XPR1: variants seen among roughly 807,000 people sequenced by gnomAD.
The protein encoded by XPR1 is solute carrier family 53 member 1.
A neutral mutation model predicts 87.5 loss-of-function variants in XPR1; 28 were observed. The ratio of observed to expected loss-of-function variants is 0.32; its 90% confidence interval spans 0.24 to 0.44. The LOEUF (loss-of-function observed/expected upper bound fraction) is 0.44, where lower values mean the gene tolerates loss of function less well. Ranked by LOEUF, XPR1 falls within the 20% of genes least tolerant of loss-of-function variation. The pLI is 1.00. For missense variants in XPR1, 559 were observed against 862.3 expected, an observed-to-expected ratio of 0.65 and a Z score of 4.41; for synonymous variants, 300 against 306.1, an observed-to-expected ratio of 0.98 and a Z score of 0.21.
chr1:180,842,536 G>GCCA (rs1279856684), intron 11 of XPR1, among the ~76,000 whole-genome samples: 1 of 152,120 alleles, frequency 6.6e-6, no homozygotes, highest in African/African-American at 2.4e-5. Flanking sequence ...TTAGCTAGTA[G>GCCA]CCAGTCTCCA....
At chr1:180,779,038 C>T (rs1648838073) in intron 2 of XPR1, among the ~76,000 whole-genome samples, 1 of 152,162 alleles carries the variant, frequency 6.6e-6, no homozygotes, top group Non-Finnish European at 1.5e-5. Flanking sequence ...GTTCTTTAGG[C>T]ATCTCAGTTT....
intron 1 of XPR1, among the ~76,000 whole-genome samples, chr1:180,650,269 T>C (rs1197255342): frequency 1.3e-5 from 2 of 152,132 alleles, no homozygotes; most frequent in African/African-American, 4.8e-5. Flanking sequence ...TGGGTTTTGC[T>C]TTGTTGCCCT....
chr1:180,678,545 A>G (rs533739707), intron 1 of XPR1, among the ~76,000 whole-genome samples: 1 of 152,352 alleles, frequency 6.6e-6, no homozygotes, highest in East Asian at 1.9e-4. Flanking sequence ...ATAAGTAGTG[A>G]ATATTACTGA....
chr1:180,707,927 G>A (rs948614570), intron 2 of XPR1, among the ~76,000 whole-genome samples: 1 of 152,160 alleles, frequency 6.6e-6, no homozygotes, highest in Non-Finnish European at 1.5e-5. Flanking sequence ...GTAGTGATGT[G>A]AGGATGATGG....
chr1:180,756,837 A>T (rs974206143), intron 2 of XPR1, among the ~76,000 whole-genome samples: 1 of 152,232 alleles, frequency 6.6e-6, no homozygotes, highest in African/African-American at 2.4e-5. Context: ...ATTTTCGCAC[A>T]TGATAGAAAG....
intron 9 of XPR1, among the ~76,000 whole-genome samples, chr1:180,825,779 G>A (rs533113669): frequency 1.3e-5 from 2 of 152,274 alleles, no homozygotes; most frequent in East Asian, 3.9e-4. Context: ...GGCTGGGCGC[G>A]GTGGCTCACG....
rs1656717812 is a variant in XPR1, at chr1:180,685,094, C to T, written c.121+2683C>T. 2.6e-5 allele frequency among the ~76,000 whole-genome samples: 4 copies of T among 151,900 alleles called. No individual in the cohort carries two copies. In the South Asian group the frequency reaches 8.3e-4, roughly 32 times the overall value. On this transcript the variant is annotated intron_variant, in intron 2 of 14. Transcript: ENST00000367590. Reference sequence around the variant, plus strand: ...TCAAAGGGAATGCTTCCAGTTTTTGCCCATTCAGTATGATATTGGCTGTGG... The same window carrying T: ...TCAAAGGGAATGCTTCCAGTTTTTGTCCATTCAGTATGATATTGGCTGTGG...
At chr1:180,867,278 T>G (rs1401846610) in intron 12 of XPR1, among the ~76,000 whole-genome samples, 2 of 90,222 alleles carry the variant, frequency 2.2e-5, no homozygotes, top group East Asian at 5.0e-4. Context: ...AACATACGTG[T>G]GCATGTGTCT....
At chr1:180,764,847 G>T (rs1360815629) in intron 2 of XPR1, among the ~76,000 whole-genome samples, 3 of 147,370 alleles carry the variant, frequency 2.0e-5, no homozygotes, top group Middle Eastern at 3.4e-3. Context: ...GTGCAGTGGC[G>T]CAATCTGGGC....
At chr1:180,639,687 A>G (rs1654905177) in intron 1 of XPR1, among the ~76,000 whole-genome samples, 1 of 152,150 alleles carries the variant, frequency 6.6e-6, no homozygotes, top group Admixed American at 6.5e-5. Flanking sequence ...CTTTTTTTAT[A>G]CCTTAGAGTA....
intron 3 of XPR1, among the ~76,000 whole-genome samples, chr1:180,789,354 T>C (rs1649294361): frequency 6.6e-6 from 1 of 152,190 alleles, no homozygotes; most frequent in Non-Finnish European, 1.5e-5. Flanking sequence ...TACACTGTAC[T>C]TTAGCCCCAT....
chr1:180,658,568 T>C (rs1655620456), intron 1 of XPR1, among the ~76,000 whole-genome samples: 1 of 152,010 alleles, frequency 6.6e-6, no homozygotes, highest in African/African-American at 2.4e-5. Context: ...TTTTGTTTGG[T>C]TTTGTTTTGT....
intron 2 of XPR1, among the ~76,000 whole-genome samples, chr1:180,763,636 G>A (rs540643660): frequency 6.6e-6 from 1 of 152,318 alleles, no homozygotes; most frequent in East Asian, 1.9e-4. Context: ...GTGCCCATAT[G>A]TGACATGGCA....
chr1:180,704,273 T>TATATATATATATTA (rs1657471820), intron 2 of XPR1, among the ~76,000 whole-genome samples: 1 of 141,624 alleles, frequency 7.1e-6, no homozygotes, highest in Non-Finnish European at 1.5e-5. Context: ...TATATATATA[T>TATATATATATATTA]ATATTATCAG....
chr1:180,655,256 C>T (rs1571684275), intron 1 of XPR1, among the ~76,000 whole-genome samples: 1 of 152,100 alleles, frequency 6.6e-6, no homozygotes, highest in Non-Finnish European at 1.5e-5. Context: ...TGTCCATTTT[C>T]GAATTGGATT....
chr1:180,782,717 C>T (rs1648990579), intron 2 of XPR1, among the ~76,000 whole-genome samples: 1 of 151,910 alleles, frequency 6.6e-6, no homozygotes. Context: ...GGGGTTAGGG[C>T]TCCCACATAT....
intron 7 of XPR1, among the ~76,000 whole-genome samples, chr1:180,823,734 G>A (rs1053082956): frequency 1.9e-4 from 29 of 152,190 alleles, no homozygotes; most frequent in African/African-American, 6.8e-4. Flanking sequence ...TAGTGCTTAA[G>A]AGTATGAACT....
intron 1 of XPR1, among the ~76,000 whole-genome samples, chr1:180,678,113 T>C (rs1656425981): frequency 6.6e-6 from 1 of 152,236 alleles, no homozygotes; most frequent in Admixed American, 6.5e-5. Context: ...AGATGCATAG[T>C]GCAAGATGTT....
At chr1:180,842,715 AGAAAAGG>A in intron 11 of XPR1, among the ~76,000 whole-genome samples, 1 of 152,366 alleles carries the variant, frequency 6.6e-6, no homozygotes, top group Non-Finnish European at 1.5e-5. Context: ...GTACAATAAT[AGAAAAGG>A]CCATTATGTT....
Sources: allele counts gnomAD v4.1 joint callset (sites outside exome capture counted in the v4.1 genomes callset), GRCh38; gene constraint gnomAD v4.1.1; transcripts MANE v1.5; gene names NCBI Gene and HGNC (gene_info 2026-07-23, HGNC 2026-07-21).